ST6GALNAC5: variants seen among roughly 807,000 people sequenced by gnomAD.
ST6GALNAC5 encodes the protein alpha-N-acetylgalactosaminide alpha-2,6-sialyltransferase 5.
A neutral mutation model predicts 33.6 loss-of-function variants in ST6GALNAC5; 27 were observed. The observed-to-expected ratio is 0.80, with a 90% CI of 0.59 to 1.11. ST6GALNAC5 has a LOEUF of 1.11. Ranked by LOEUF, ST6GALNAC5 falls within the 50% of genes least tolerant of loss-of-function variation. The pLI is 0.00. For synonymous variants in ST6GALNAC5, 194 were observed against 171.2 expected (o/e 1.13, Z -1.04); for missense variants, 428 against 454.0 (o/e 0.94, Z 0.52).
At chr1:77,051,802 T>A (rs1223401894) in intron 4 of ST6GALNAC5, among the ~76,000 whole-genome samples, 1 of 152,142 alleles carries the variant, frequency 6.6e-6, no homozygotes, top group South Asian at 2.1e-4. Flanking sequence ...AGAATGGCAC[T>A]TATGGGCATG....
chr1:77,050,562 C>G (rs1331709659), intron 4 of ST6GALNAC5, among the ~76,000 whole-genome samples, 197 bp downstream of exon 4: 1 of 152,188 alleles, frequency 6.6e-6, no homozygotes, highest in Admixed American at 6.5e-5. Flanking sequence ...TTTGTTTGTA[C>G]TGCTGGAGAA....
intron 2 of ST6GALNAC5, among the ~76,000 whole-genome samples, chr1:76,992,357 A>T (rs897187503): frequency 1.3e-5 from 2 of 152,148 alleles, no homozygotes; most frequent in African/African-American, 2.4e-5. Flanking sequence ...CCACCTTCAC[A>T]TAGGTTCTCA....
At chr1:77,021,319 G>A (rs963775855) in intron 2 of ST6GALNAC5, among the ~76,000 whole-genome samples, 1 of 152,122 alleles carries the variant, frequency 6.6e-6, no homozygotes, top group South Asian at 2.1e-4. Context: ...TTGGGGGCAG[G>A]GGGTATGTTG....
chr1:76,908,794 A>T (rs746921221), intron 2 of ST6GALNAC5, among the ~76,000 whole-genome samples: 5 of 152,148 alleles, frequency 3.3e-5, no homozygotes, highest in Non-Finnish European at 7.3e-5. Flanking sequence ...CTGCCGCATT[A>T]CCTGGCCCAG....
chr1:77,042,658 C>T (rs1306287358), intron 2 of ST6GALNAC5, among the ~76,000 whole-genome samples: 2 of 152,216 alleles, frequency 1.3e-5, no homozygotes, highest in Non-Finnish European at 2.9e-5. Flanking sequence ...ACCAATAATC[C>T]TAATAGCACC....
chr1:76,871,130 G>A (rs1020959706), intron 2 of ST6GALNAC5: 1 of 152,218 alleles, frequency 6.6e-6, no homozygotes. Context: ...CATAGGCAGA[G>A]GTGGAAGACA....
At chr1:76,990,272 C>T (rs763338599) in intron 2 of ST6GALNAC5, among the ~76,000 whole-genome samples, 1 of 152,122 alleles carries the variant, frequency 6.6e-6, no homozygotes, top group South Asian at 2.1e-4. Context: ...TTTCTTTATA[C>T]AGTGGCCAAA....
At chr1:76,997,379 T>C (rs1285019938) in intron 2 of ST6GALNAC5, among the ~76,000 whole-genome samples, 1 of 152,160 alleles carries the variant, frequency 6.6e-6, no homozygotes, top group African/African-American at 2.4e-5. Context: ...AAGGAATGTT[T>C]TGCTTGAAAC....
chr1:76,887,113 G>GT (rs1195427426), intron 2 of ST6GALNAC5, among the ~76,000 whole-genome samples: 3 of 152,046 alleles, frequency 2.0e-5, no homozygotes, highest in Non-Finnish European at 2.9e-5. Context: ...CATGGAGGCC[G>GT]TGCTACTTCC....
intron 4 of ST6GALNAC5, among the ~76,000 whole-genome samples, chr1:77,060,859 A>C (rs1296202782): frequency 1.3e-5 from 2 of 152,116 alleles, no homozygotes; most frequent in Non-Finnish European, 2.9e-5. Flanking sequence ...AATGTCCAAA[A>C]CTTAGATGAA....
intron 2 of ST6GALNAC5, among the ~76,000 whole-genome samples, chr1:76,919,374 C>T (rs540875702): frequency 3.3e-5 from 5 of 152,124 alleles, no homozygotes; most frequent in Non-Finnish European, 7.4e-5. Context: ...CGCCATTCTT[C>T]ACACTGTTCT....
chr1:76,907,071 G>A (rs947643695), intron 2 of ST6GALNAC5, among the ~76,000 whole-genome samples: 4 of 151,906 alleles, frequency 2.6e-5, no homozygotes, highest in Non-Finnish European at 4.4e-5. Flanking sequence ...CCATCTACAG[G>A]GGACCACTAT....
chr1:76,924,293 A>G (rs998016819), intron 2 of ST6GALNAC5, among the ~76,000 whole-genome samples: 2 of 152,210 alleles, frequency 1.3e-5, no homozygotes, highest in African/African-American at 4.8e-5. Context: ...GAAAGTATCT[A>G]GAGATCATGC....
chr1:76,869,363 G>A (rs1269031038), intron 2 of ST6GALNAC5, among the ~76,000 whole-genome samples: 1 of 152,084 alleles, frequency 6.6e-6, no homozygotes, highest in African/African-American at 2.4e-5. Context: ...TGCTGCATGG[G>A]GTGGCTAATA....
At chr1:76,920,290 C>A (rs1479850903) in intron 2 of ST6GALNAC5, among the ~76,000 whole-genome samples, 2 of 152,122 alleles carry the variant, frequency 1.3e-5, no homozygotes, top group Non-Finnish European at 2.9e-5. Context: ...AAAATCCAGG[C>A]TACTGTCAAT....
intron 2 of ST6GALNAC5, among the ~76,000 whole-genome samples, chr1:76,887,104 A>G (rs529265718): frequency 6.6e-6 from 1 of 152,140 alleles, no homozygotes; most frequent in Non-Finnish European, 1.5e-5. Flanking sequence ...TCTCATATCC[A>G]TGGAGGCCGT....
chr1:76,900,043 C>A (rs1570652844), intron 2 of ST6GALNAC5, among the ~76,000 whole-genome samples: 1 of 152,100 alleles, frequency 6.6e-6, no homozygotes, highest in African/African-American at 2.4e-5. Context: ...GTTTATTTCA[C>A]CTGGGTGCAG....
intron 2 of ST6GALNAC5, among the ~76,000 whole-genome samples, chr1:77,040,657 ATAAT>A (rs1321790368): frequency 1.3e-5 from 2 of 152,232 alleles, no homozygotes; most frequent in Admixed American, 6.5e-5. Flanking sequence ...TCAAAGCAGA[ATAAT>A]TAATTAAGGG....
intron 2 of ST6GALNAC5, chr1:76,869,019 C>A: frequency 2.6e-6 from 1 of 385,868 alleles, no homozygotes; most frequent in Non-Finnish European, 4.4e-6. Context: ...ACTCCCTGAT[C>A]CCCAGAATTG....
Sources: allele counts gnomAD v4.1 joint callset (sites outside exome capture counted in the v4.1 genomes callset), GRCh38; gene constraint gnomAD v4.1.1; transcripts MANE v1.5; gene names NCBI Gene and HGNC (gene_info 2026-07-23, HGNC 2026-07-21).